LUZP2: variants seen among roughly 807,000 people sequenced by gnomAD.
LUZP2 encodes the protein leucine zipper protein 2.
Under a neutral mutation model 51.6 loss-of-function variants are expected in LUZP2, and 52 were observed. The observed-to-expected ratio is 1.01, with a 90% CI of 0.81 to 1.27. The LOEUF (loss-of-function observed/expected upper bound fraction) is 1.27, where lower values mean the gene tolerates loss of function less well. Ranked by LOEUF, LUZP2 falls within the 50% of genes most tolerant of loss-of-function variation. The pLI is 0.00. For synonymous variants in LUZP2, 154 were observed against 137.3 expected, an observed-to-expected ratio of 1.12 and a Z score of -0.85; for missense variants, 436 against 395.4, an observed-to-expected ratio of 1.10 and a Z score of -0.87.
chr11:24,983,349 A>G, intron 9 of LUZP2, 56 bp downstream of exon 9: 1 of 1,527,572 alleles, frequency 6.5e-7, no homozygotes, highest in African/African-American at 1.4e-5. Flanking sequence ...TGTTGTCTTT[A>G]AAGCCCAGTA....
intron 9 of LUZP2, among the ~76,000 whole-genome samples, chr11:25,043,959 AT>A (rs1858164940): frequency 9.6e-6 from 1 of 104,686 alleles, no homozygotes; most frequent in African/African-American, 3.5e-5. Context: ...TGATATATAT[AT>A]AGTCCATATA....
At chr11:24,600,767 G>A (rs1465066776) in intron 1 of LUZP2, among the ~76,000 whole-genome samples, 1 of 151,942 alleles carries the variant, frequency 6.6e-6, no homozygotes, top group Non-Finnish European at 1.5e-5. Context: ...GGAAAAAAGA[G>A]AAGGATGTGC....
At chr11:24,524,723 G>A (rs953877282) in intron 1 of LUZP2, among the ~76,000 whole-genome samples, 1 of 151,698 alleles carries the variant, frequency 6.6e-6, no homozygotes, top group Non-Finnish European at 1.5e-5. Flanking sequence ...TGAGAGTAGT[G>A]TGCTAGATAG....
intron 1 of LUZP2, among the ~76,000 whole-genome samples, chr11:24,677,516 T>C (rs995205562): frequency 3.9e-5 from 6 of 152,232 alleles, no homozygotes; most frequent in African/African-American, 1.4e-4. Context: ...CCAAAGCCCC[T>C]GCTCTTTGCA....
intron 9 of LUZP2, among the ~76,000 whole-genome samples, chr11:24,994,159 CTTTT>C (rs58939086): frequency 3.9e-5 from 5 of 127,676 alleles, no homozygotes; most frequent in Non-Finnish European, 6.5e-5. Context: ...GCACCTGGCC[CTTTT>C]TTTTTTTTTT....
intron 7 of LUZP2, among the ~76,000 whole-genome samples, chr11:24,973,397 G>T: frequency 1.7e-5 from 2 of 116,206 alleles, no homozygotes; most frequent in Admixed American, 9.9e-5. Context: ...AACAGCTCCT[G>T]GGTTCATTGA....
chr11:24,841,349 C>T (rs10834495), intron 5 of LUZP2, among the ~76,000 whole-genome samples: 88,403 of 151,944 alleles, frequency 0.58, 27,030 homozygotes, highest in Middle Eastern at 0.7. Flanking sequence ...TGATCTTGGA[C>T]TTTTCAGTCT....
chr11:25,027,225 A>G (rs1400395557), intron 9 of LUZP2, among the ~76,000 whole-genome samples: 1 of 152,196 alleles, frequency 6.6e-6, no homozygotes, highest in Non-Finnish European at 1.5e-5. Context: ...AAATATTATT[A>G]TACACATTTA....
At chr11:24,877,758 A>T (rs1409103313) in intron 5 of LUZP2, among the ~76,000 whole-genome samples, 2 of 152,026 alleles carry the variant, frequency 1.3e-5, no homozygotes, top group South Asian at 2.1e-4. Flanking sequence ...CCACACCCCA[A>T]CTACTCTTCT....
intron 7 of LUZP2, among the ~76,000 whole-genome samples, chr11:24,920,184 A>G (rs1260740686): frequency 6.6e-6 from 1 of 151,982 alleles, no homozygotes; most frequent in Non-Finnish European, 1.5e-5. Context: ...GAGATACATA[A>G]TGGCAGACAT....
At chr11:24,658,321 G>A (rs1855888777) in intron 1 of LUZP2, among the ~76,000 whole-genome samples, 1 of 152,142 alleles carries the variant, frequency 6.6e-6, no homozygotes. Context: ...ACAAGACATG[G>A]GGAAAGGATT....
At chr11:24,515,215 C>T (rs57488468) in intron 1 of LUZP2, among the ~76,000 whole-genome samples, 17,467 of 151,908 alleles carry the variant, frequency 0.11, 1,164 homozygotes, top group African/African-American at 0.19. Flanking sequence ...ATTATAAAAC[C>T]GTATACTGTG....
At position 24,983,247 on chromosome 11, in the gene LUZP2, C is replaced by A; in HGVS notation, c.719C>A (p.Pro240His). Residue 240 changes from proline (P) to histidine (H), a missense_variant, in exon 9 of 12, where the codon CCC becomes CAC. Coordinates refer to ENST00000336930, the MANE Select transcript of LUZP2 (RefSeq NM_001009909.4). ...AATCCAACTCGGATGTTACTCCCAC[C>A]CAGGAATATTGCCTCTAAGCTTCCA... ...TSNPTRMLLP[P>H]RNIASKLPDA... is the part of the protein sequence containing the mutation. The A allele has an allele frequency of 6.2e-7, 1 of 1,612,076 alleles. No homozygotes were observed. Among genetic ancestry groups the A allele is most frequent in the Non-Finnish European group, 8.5e-7 (1 of 1,178,802 alleles).
intron 7 of LUZP2, among the ~76,000 whole-genome samples, chr11:24,962,430 A>T (rs976304874): frequency 8.5e-5 from 13 of 152,140 alleles, no homozygotes; most frequent in Non-Finnish European, 1.3e-4. Context: ...GTTTTTTCAC[A>T]TAGTCCCATA....
intron 1 of LUZP2, among the ~76,000 whole-genome samples, chr11:24,589,446 T>A (rs1853185785): frequency 6.6e-6 from 1 of 152,236 alleles, no homozygotes; most frequent in South Asian, 2.1e-4. Context: ...TGTGGCTCCA[T>A]GACTTCATTA....
At chr11:24,714,266 A>T (rs1457608408) in intron 1 of LUZP2, among the ~76,000 whole-genome samples, 1 of 152,048 alleles carries the variant, frequency 6.6e-6, no homozygotes, top group Non-Finnish European at 1.5e-5. Context: ...CTATGTAACA[A>T]ACCTGCATGT....
At chr11:24,574,394 A>ATC (rs139446364) in intron 1 of LUZP2, among the ~76,000 whole-genome samples, 81,151 of 138,612 alleles carry the variant, frequency 0.59, 23,545 homozygotes, top group East Asian at 0.8. Context: ...TCTTTCTTTC[A>ATC]TCTCTCTCTC....
chr11:24,899,391 A>G (rs958141104), intron 5 of LUZP2, among the ~76,000 whole-genome samples: 1 of 151,966 alleles, frequency 6.6e-6, no homozygotes, highest in Admixed American at 6.6e-5. Flanking sequence ...ACTTCTAAAT[A>G]TACTAGACTC....
intron 1 of LUZP2, among the ~76,000 whole-genome samples, chr11:24,607,341 C>CTTTTTTTTTTTTTTTTTT (rs57741208): frequency 1.6e-5 from 1 of 63,416 alleles, no homozygotes; most frequent in African/African-American, 5.5e-5. Context: ...GATATTATGT[C>CTTTTTTTTTTTTTTTTTT]TTTTTTTTTT....
Sources: gnomAD v4.1 joint callset for allele counts (sites outside exome capture counted in the v4.1 genomes callset) on GRCh38, gnomAD v4.1.1 for gene constraint, MANE v1.5 for transcripts, NCBI Gene and HGNC (gene_info 2026-07-23, HGNC 2026-07-21) for gene names.